The following CORIN variants were observed in gnomAD, a reference collection of about 807,000 sequenced individuals.
CORIN encodes the protein atrial natriuretic peptide-converting enzyme.
Under a neutral mutation model 125.3 loss-of-function variants are expected in CORIN, and 117 were observed. That is an observed-to-expected ratio of 0.93 (90% CI 0.80 to 1.09). The LOEUF (loss-of-function observed/expected upper bound fraction) is 1.09, where lower values mean the gene tolerates loss of function less well. Among genes scored for constraint, CORIN ranks in the 50% least tolerant of loss-of-function variants. CORIN has a pLI of 0.00. For synonymous variants in CORIN, 450 were observed against 466.4 expected, an observed-to-expected ratio of 0.96 and a Z score of 0.45; for missense variants, 1,253 against 1,306.7, an observed-to-expected ratio of 0.96 and a Z score of 0.63.
intron 1 of CORIN, among the ~76,000 whole-genome samples, chr4:47,821,016 C>G (rs1732486456): frequency 6.6e-6 from 1 of 152,110 alleles, no homozygotes; most frequent in African/African-American, 2.4e-5. Context: ...GCAGGCGGAT[C>G]ATGAGGTTAG....
chr4:47,633,162 A>G (rs941708313), intron 16 of CORIN, among the ~76,000 whole-genome samples: 2 of 152,024 alleles, frequency 1.3e-5, no homozygotes, highest in Non-Finnish European at 2.9e-5. Flanking sequence ...ATCTATAGGT[A>G]CAAATGACAA....
chr4:47,815,118 T>C (rs1732210215), intron 1 of CORIN, among the ~76,000 whole-genome samples: 1 of 152,192 alleles, frequency 6.6e-6, no homozygotes, highest in African/African-American at 2.4e-5. Context: ...TACAATACTT[T>C]CTCAGCCACT....
At chr4:47,607,414 A>T (rs1420181290) in intron 19 of CORIN, among the ~76,000 whole-genome samples, 1 of 152,044 alleles carries the variant, frequency 6.6e-6, no homozygotes, top group Non-Finnish European at 1.5e-5. Context: ...TCTCAAAAAA[A>T]AAAAATTCCA....
At chr4:47,691,100 C>T (rs886760082) in intron 6 of CORIN, among the ~76,000 whole-genome samples, 2 of 152,098 alleles carry the variant, frequency 1.3e-5, no homozygotes, top group Admixed American at 6.5e-5. Context: ...AAAATTAGCC[C>T]CTTCAAATTT....
At position 47,786,803 on chromosome 4, in the gene CORIN, TAGACACCAC is replaced by T; in HGVS notation, c.322_330del (p.Val108_Ser110del). On this transcript the variant is annotated inframe_deletion, in exon 3 of 22. Coordinates refer to ENST00000273857, the MANE Select transcript of CORIN (RefSeq NM_006587.4). ...GGAACGTGTTGGTCGGGATGTGCAG[TAGACACCAC>T]AGTGCTCTGGTTATAAATTGTATTT... The T allele has an allele frequency of 6.2e-7, 1 of 1,614,174 alleles. No individual in the cohort carries two copies. Among genetic ancestry groups the T allele is most frequent in the Non-Finnish European group, 8.5e-7 (1 of 1,180,002 alleles).
chr4:47,790,086 C>T, intron 2 of CORIN: 5 of 301,746 alleles, frequency 1.7e-5, no homozygotes, highest in African/African-American at 2.3e-5. Flanking sequence ...TCTTCTAATA[C>T]TGCCTCATTC....
At chr4:47,765,405 T>C (rs1577903695) in intron 3 of CORIN, among the ~76,000 whole-genome samples, 1 of 152,292 alleles carries the variant, frequency 6.6e-6, no homozygotes, top group Non-Finnish European at 1.5e-5. Context: ...TTCCACTATA[T>C]GTTGTACTGG....
At chr4:47,743,843 C>T (rs1286748710) in intron 5 of CORIN, among the ~76,000 whole-genome samples, 1 of 151,908 alleles carries the variant, frequency 6.6e-6, no homozygotes, top group Non-Finnish European at 1.5e-5. Flanking sequence ...TGAGATCATG[C>T]CACTGCACTC....
chr4:47,608,433 G>C (rs562606206), intron 19 of CORIN, among the ~76,000 whole-genome samples: 1 of 152,338 alleles, frequency 6.6e-6, no homozygotes, highest in South Asian at 2.1e-4. Context: ...AAGCCTCAAA[G>C]CAGCAGCAAG....
At chr4:47,639,034 T>A (rs1723136133) in intron 16 of CORIN, among the ~76,000 whole-genome samples, 1 of 152,130 alleles carries the variant, frequency 6.6e-6, no homozygotes, top group African/African-American at 2.4e-5. Context: ...TTCAGTAGAA[T>A]CCCTGCAACC....
intron 1 of CORIN, among the ~76,000 whole-genome samples, chr4:47,809,001 A>T (rs1034220255): frequency 6.6e-6 from 1 of 152,230 alleles, no homozygotes; most frequent in African/African-American, 2.4e-5. Context: ...GTGATATAAG[A>T]ATTCAAAAGA....
chr4:47,676,663 A>G lies in CORIN; in HGVS notation c.1249+1275T>C, dbSNP rs556524450. ...AATATACATTTTTTGAGTTGAATCCATTAAAGTGAACAATATAAAAATACT... is the reference window on the plus strand; with the variant it reads ...AATATACATTTTTTGAGTTGAATCCGTTAAAGTGAACAATATAAAAATACT... On this transcript the variant is annotated intron_variant, in intron 9 of 21. Coordinates refer to ENST00000273857, the MANE Select transcript of CORIN (RefSeq NM_006587.4). Among the ~76,000 whole-genome samples, 9 of 152,334 alleles carry G rather than the reference A, an allele frequency of 5.9e-5. No homozygotes were observed. The South Asian group carries it at 1.9e-3, about 32-fold the overall frequency.
rs908142519 is a variant in CORIN, at chr4:47,692,862, G to T, written c.913+108C>A. On this transcript the variant is annotated intron_variant, in intron 6 of 21. Transcript: ENST00000273857. ...ATTCTGGGGGAAGATAAACACGTTT[G>T]CTCGCTTTAGAAAGGCAAACAAAAA... is the stretch of plus-strand genomic sequence containing the variant. 36 of 800,736 alleles carry T rather than the reference G, an allele frequency of 4.5e-5. No individual in the cohort carries two copies. In the African/African-American group the frequency reaches 5.4e-4, roughly 12 times the overall value. 49.6% of individuals were successfully genotyped at this position (800,736 alleles called of 1,614,324 possible).
chr4:47,805,903 T>C (rs1577939197), intron 2 of CORIN, among the ~76,000 whole-genome samples: 1 of 152,212 alleles, frequency 6.6e-6, no homozygotes, highest in Non-Finnish European at 1.5e-5. Flanking sequence ...TTCTCTGTTT[T>C]ATTTGATTGC....
chr4:47,701,979 T>A (rs988661593), intron 5 of CORIN, among the ~76,000 whole-genome samples: 3 of 152,168 alleles, frequency 2.0e-5, no homozygotes, highest in African/African-American at 7.2e-5. Flanking sequence ...GGGCAATTTT[T>A]AAACTTTTTT....
chr4:47,786,658 T>C (rs1219165924), intron 3 of CORIN, 67 bp downstream of exon 3: 6 of 1,246,238 alleles, frequency 4.8e-6, no homozygotes, highest in Non-Finnish European at 6.9e-6. Context: ...AAAGCATTGG[T>C]TGCCAAACTT....
At chr4:47,612,415 C>T (rs1721905258) in intron 19 of CORIN, among the ~76,000 whole-genome samples, 1 of 152,100 alleles carries the variant, frequency 6.6e-6, no homozygotes, top group Non-Finnish European at 1.5e-5. Context: ...GTTTTAAATG[C>T]TACCTAAAAA....
At chr4:47,652,059 A>C (rs2109640046) in intron 13 of CORIN, among the ~76,000 whole-genome samples, 1 of 152,334 alleles carries the variant, frequency 6.6e-6, no homozygotes, top group South Asian at 2.1e-4. Context: ...TGACCCATCA[A>C]AGTCATAGTT....
rs542225218 is a variant in CORIN at position 47,799,764 on chromosome 4, A to G, written c.208+7139T>C. ...TCCACTCTTGGTATATACCCAAGAG[A>G]AGTGAAAATGTATGTCCCCACAAAA... On this transcript the variant is annotated intron_variant, in intron 2 of 21. Transcript: ENST00000273857. 3.2e-4 allele frequency among the ~76,000 whole-genome samples: 48 copies of G among 152,310 alleles called. 2 individuals carry two copies. Among genetic ancestry groups the G allele is most frequent in the Middle Eastern group, 6.8e-3 (2 of 294 alleles).
Sources: gnomAD v4.1 joint callset for allele counts (sites outside exome capture counted in the v4.1 genomes callset) on GRCh38, gnomAD v4.1.1 for gene constraint, MANE v1.5 for transcripts, NCBI Gene and HGNC (gene_info 2026-07-23, HGNC 2026-07-21) for gene names.